The following HACD2 variants were observed in gnomAD, a reference collection of about 807,000 sequenced individuals.
HACD2 encodes very-long-chain (3R)-3-hydroxyacyl-CoA dehydratase 2.
A neutral mutation model predicts 31.0 loss-of-function variants in HACD2; 15 were observed. The ratio of observed to expected loss-of-function variants is 0.48; its 90% CI spans 0.32 to 0.75. HACD2 has a LOEUF of 0.75. Ranked by LOEUF, HACD2 falls within the 30% of genes least tolerant of loss-of-function variation. The pLI is 0.03. For missense variants in HACD2, 283 were observed against 313.0 expected (o/e 0.90, Z 0.72); for synonymous variants, 115 against 122.2 (o/e 0.94, Z 0.39).
intron 2 of HACD2, among the ~76,000 whole-genome samples, chr3:123,569,133 C>G (rs1216599156): frequency 6.6e-6 from 1 of 152,038 alleles, no homozygotes; most frequent in Non-Finnish European, 1.5e-5. Flanking sequence ...ACAAATCAAG[C>G]TGCACAATGT....
intron 3 of HACD2, among the ~76,000 whole-genome samples, chr3:123,561,471 A>G (rs1185679118): frequency 6.6e-6 from 1 of 152,132 alleles, no homozygotes; most frequent in Non-Finnish European, 1.5e-5. Flanking sequence ...GCTGTGACTG[A>G]GCTACAATTT....
intron 3 of HACD2, among the ~76,000 whole-genome samples, chr3:123,554,801 T>C (rs1441415830): frequency 2.6e-5 from 4 of 151,742 alleles, no homozygotes; most frequent in Non-Finnish European, 5.9e-5. Flanking sequence ...AAGTAGAGGG[T>C]CATGATTTTG....
intron 6 of HACD2, among the ~76,000 whole-genome samples, chr3:123,497,218 C>T (rs2055844201): frequency 6.6e-6 from 1 of 152,242 alleles, no homozygotes; most frequent in Admixed American, 6.5e-5. Context: ...CTTTTAACAA[C>T]ATGAGCTACA....
chr3:123,557,705 T>C (rs1011826185), intron 3 of HACD2, among the ~76,000 whole-genome samples: 4 of 152,166 alleles, frequency 2.6e-5, no homozygotes, highest in African/African-American at 9.7e-5. Flanking sequence ...TATTAAAAGA[T>C]GCTCTACGTC....
At chr3:123,496,868 G>A (rs546671415) in intron 6 of HACD2, among the ~76,000 whole-genome samples, 2 of 152,330 alleles carry the variant, frequency 1.3e-5, no homozygotes, top group East Asian at 3.9e-4. Flanking sequence ...AGGGCCCGGG[G>A]AAGGAGAATG....
chr3:123,494,666 G>C lies in HACD2; in HGVS notation c.*222C>G, dbSNP rs1452406694. ...AAATATTAAGAACTTCTGGTTGAAA[G>C]AGCATGCTGAAATGAACTGGCCAGG... On this transcript the variant is annotated 3_prime_UTR_variant, in exon 7 of 7. Transcript: ENST00000383657. 1.8e-6 allele frequency: 1 copy of C among 552,116 alleles called. No individual in the cohort carries two copies. Among genetic ancestry groups the C allele is most frequent in the East Asian group, 3.2e-5 (1 of 31,112 alleles). 34.2% of individuals were successfully genotyped at this position (552,116 alleles called of 1,614,324 possible).
chr3:123,537,413 T>A (rs111387235), intron 3 of HACD2, among the ~76,000 whole-genome samples: 4 of 151,980 alleles, frequency 2.6e-5, no homozygotes, highest in African/African-American at 7.3e-5. Context: ...AAAATTTTTT[T>A]AAAAAATAGC....
At chr3:123,536,709 A>G (rs2056430611) in intron 3 of HACD2, among the ~76,000 whole-genome samples, 2 of 152,198 alleles carry the variant, frequency 1.3e-5, no homozygotes, top group Non-Finnish European at 2.9e-5. Context: ...AGACCAAAAA[A>G]ATTACCTATA....
At chr3:123,582,528 G>A (rs932675211) in intron 1 of HACD2, among the ~76,000 whole-genome samples, 199 bp from the exon 2 acceptor site, 3 of 152,100 alleles carry the variant, frequency 2.0e-5, no homozygotes, top group African/African-American at 7.2e-5. Context: ...CTTACCAAGA[G>A]GGCTCAGTGA....
chr3:123,550,936 C>G (rs1394763110), intron 3 of HACD2, among the ~76,000 whole-genome samples: 1 of 152,134 alleles, frequency 6.6e-6, no homozygotes, highest in East Asian at 1.9e-4. Context: ...GAGGGAATCT[C>G]AGGACAAAGG....
At chr3:123,574,680 C>A in intron 2 of HACD2, among the ~76,000 whole-genome samples, 1 of 151,862 alleles carries the variant, frequency 6.6e-6, no homozygotes. Context: ...TAAAAAATTA[C>A]ATGTTTCATG....
intron 4 of HACD2, among the ~76,000 whole-genome samples, chr3:123,518,736 C>T (rs2056176201): frequency 6.6e-6 from 1 of 152,110 alleles, no homozygotes; most frequent in Admixed American, 6.5e-5. Context: ...GTGGCTCATG[C>T]CTGTAATCCC....
chr3:123,507,159 G>C (rs1033068264), intron 4 of HACD2, among the ~76,000 whole-genome samples: 1 of 152,176 alleles, frequency 6.6e-6, no homozygotes, highest in African/African-American at 2.4e-5. Context: ...GGGAGGTGAG[G>C]TGGAAGGATT....
intron 3 of HACD2, among the ~76,000 whole-genome samples, chr3:123,542,999 G>C (rs868537805): frequency 1.3e-5 from 2 of 152,190 alleles, no homozygotes; most frequent in South Asian, 4.1e-4. Flanking sequence ...GATTCTTGCT[G>C]TTTGGGGGAA....
At chr3:123,563,193 A>G (rs1319479157) in intron 3 of HACD2, among the ~76,000 whole-genome samples, 1 of 152,182 alleles carries the variant, frequency 6.6e-6, no homozygotes, top group Non-Finnish European at 1.5e-5. Flanking sequence ...CACACATAAT[A>G]CATTGTGAAG....
intron 3 of HACD2, among the ~76,000 whole-genome samples, chr3:123,529,683 T>C (rs2070530194): frequency 6.6e-6 from 1 of 152,174 alleles, no homozygotes; most frequent in African/African-American, 2.4e-5. Flanking sequence ...GCTGTGATCA[T>C]GCCACTGCAC....
At chr3:123,580,642 G>A (rs1412119341) in intron 2 of HACD2, among the ~76,000 whole-genome samples, 2 of 151,708 alleles carry the variant, frequency 1.3e-5, no homozygotes, top group Admixed American at 1.3e-4. Flanking sequence ...AATTATCCAT[G>A]TATGGTGGTG....
chr3:123,510,424 T>C (rs1323592135), intron 4 of HACD2, among the ~76,000 whole-genome samples: 1 of 152,166 alleles, frequency 6.6e-6, no homozygotes, highest in Non-Finnish European at 1.5e-5. Context: ...ATTTTTATAT[T>C]TTTAGTGGAG....
chr3:123,556,767 AAAAC>A (rs1450190277), intron 3 of HACD2, among the ~76,000 whole-genome samples: 1 of 152,204 alleles, frequency 6.6e-6, no homozygotes, highest in Non-Finnish European at 1.5e-5. Context: ...TCTCAACAAA[AAAAC>A]AATCCAACTG....
Sources: allele counts gnomAD v4.1 joint callset (sites outside exome capture counted in the v4.1 genomes callset), GRCh38; gene constraint gnomAD v4.1.1; transcripts MANE v1.5; gene names NCBI Gene and HGNC (gene_info 2026-07-23, HGNC 2026-07-21).